Variants in EXOC3L2 observed in about 807,000 individuals in gnomAD.
EXOC3L2 encodes exocyst complex component 3 like 2, also known as exocyst complex component 3-like protein 2.
A neutral mutation model predicts 44.4 loss-of-function variants in EXOC3L2; 17 were observed. The observed-to-expected ratio is 0.38, with a 90% CI of 0.26 to 0.57. The LOEUF (loss-of-function observed/expected upper bound fraction) is 0.57. Ranked by LOEUF, EXOC3L2 falls within the 20% of genes least tolerant of loss-of-function variation. The pLI is 0.65. For synonymous variants in EXOC3L2, 256 were observed against 253.7 expected (o/e 1.01, Z -0.09); for missense variants, 541 against 588.4 (o/e 0.92, Z 0.83).
chr19:45,223,932 T>C lies in EXOC3L2; in HGVS notation c.1719+846A>G, dbSNP rs150312307. ...TCGCTTGAACCTGGGAGGCAGAGGTTGCAGTGAGCTGAGATTGTGCCATTC... is the reference window on the plus strand; with the variant it reads ...TCGCTTGAACCTGGGAGGCAGAGGTCGCAGTGAGCTGAGATTGTGCCATTC... On this transcript the variant is annotated intron_variant, in intron 8 of 11. Coordinates refer to ENST00000413988, the MANE Select transcript of EXOC3L2 (RefSeq NM_001382422.1). 3.5e-3 allele frequency among the ~76,000 whole-genome samples: 538 copies of C among 152,050 alleles called. 3 individuals carry two copies. The highest frequency in any genetic ancestry group is 0.012 in the African/African-American group (496 of 41,514).
chr19:45,215,481 GA>G (rs751130338), intron 11 of EXOC3L2, among the ~76,000 whole-genome samples: 2 of 151,664 alleles, frequency 1.3e-5, no homozygotes, highest in African/African-American at 4.8e-5. Flanking sequence ...AAAAAAAAAA[GA>G]AAAAAAGTTG....
intron 3 of EXOC3L2, among the ~76,000 whole-genome samples, chr19:45,232,516 C>T (rs1970042308): frequency 1.3e-5 from 2 of 152,110 alleles, no homozygotes; most frequent in South Asian, 2.1e-4. Flanking sequence ...CCCAGTCTTC[C>T]GGTGACAGCA....
At chr19:45,216,217 G>C (rs756896413) in intron 10 of EXOC3L2, 23 bp from the exon 11 acceptor site, 3 of 1,611,928 alleles carry the variant, frequency 1.9e-6, no homozygotes, top group African/African-American at 1.3e-5. Context: ...GAGGGTGCGG[G>C]GTCACACCCT....
chr19:45,243,546 C>T (rs574979516), intron 1 of EXOC3L2, among the ~76,000 whole-genome samples: 196 of 152,326 alleles, frequency 1.3e-3, no homozygotes, highest in Non-Finnish European at 1.6e-3. Flanking sequence ...GTCACCATGA[C>T]GACCCCTTGC....
chr19:45,228,003 G>A lies in EXOC3L2; in HGVS notation c.1443C>T (p.Cys481=). The A allele has an allele frequency of 6.2e-7, 1 of 1,613,958 alleles. No individual in the cohort carries two copies. The highest frequency in any genetic ancestry group is 8.5e-7 in the Non-Finnish European group (1 of 1,180,012). Residue 481 remains cysteine, a synonymous_variant, in exon 6 of 12, where the codon TGC becomes TGT. Transcript: ENST00000413988. ...GCAGGAACTCTGCCAGCCCGCCTAG[G>A]CAGCAGTGGGCCATCCGCTCCCCAA... ...QEFGERMAHC[C]LGGLAEFLQS...
chr19:45,230,514 G>A (rs1056539972), intron 4 of EXOC3L2, among the ~76,000 whole-genome samples: 12 of 152,054 alleles, frequency 7.9e-5, no homozygotes, highest in Middle Eastern at 3.4e-3. Flanking sequence ...CACTGTGCCC[G>A]GCCACAAAAG....
chr19:45,235,229 A>G lies in EXOC3L2; in HGVS notation c.524-403T>C, dbSNP rs1021983287. The stretch of plus-strand genomic sequence containing the variant: ...AGAATCGCTTGAACCCGGAAGGCAG[A>G]GGTTGCAGTGAGCCGAGATCGCGCC... On this transcript the variant is annotated intron_variant, in intron 2 of 11. Transcript: ENST00000413988. Among the ~76,000 whole-genome samples the G allele has an allele frequency of 5.9e-5, 9 of 152,272 alleles. No individual in the cohort carries two copies. The East Asian group carries it at 1.7e-3, about 29-fold the overall frequency.
chr19:45,239,280 C>G (rs1232008319), intron 1 of EXOC3L2, among the ~76,000 whole-genome samples: 1 of 147,792 alleles, frequency 6.8e-6, no homozygotes, highest in Non-Finnish European at 1.5e-5. Context: ...TGCAGTGGCA[C>G]GATCTCAGCT....
chr19:45,233,554 G>C (rs540631503), intron 3 of EXOC3L2, among the ~76,000 whole-genome samples: 2 of 152,128 alleles, frequency 1.3e-5, no homozygotes, highest in African/African-American at 4.8e-5. Flanking sequence ...TTCTAGTAGC[G>C]TAAGTGTCAT....
At chr19:45,218,158 T>TGGCCCC in intron 9 of EXOC3L2, 39 bp downstream of exon 9, 2 of 1,034,904 alleles carry the variant, frequency 1.9e-6, no homozygotes. Flanking sequence ...TCCCCTCTTT[T>TGGCCCC]CCCCCACCCC....
chr19:45,217,440 C>G lies in EXOC3L2; in HGVS notation c.1998+88G>C, dbSNP rs561578258. The G allele has an allele frequency of 7.8e-6, 11 of 1,402,360 alleles. No individual in the cohort carries two copies. In the African/African-American group the frequency reaches 1.7e-4, roughly 21 times the overall value. 86.9% of individuals were successfully genotyped at this position (1,402,360 alleles called of 1,614,324 possible). A position where few individuals can be genotyped will look rare whatever the true frequency, so the allele number is the denominator to read the frequency against. ...AGTTTCTGTCCTGAGCTCTGCCCCT[C>G]TCCCCCTGGCTTTTGGGACCTGAGA... On this transcript the variant is annotated intron_variant, in intron 10 of 11. Transcript: ENST00000413988.
At chr19:45,237,445 G>A (rs1970093496) in intron 2 of EXOC3L2, among the ~76,000 whole-genome samples, 1 of 152,162 alleles carries the variant, frequency 6.6e-6, no homozygotes, top group Non-Finnish European at 1.5e-5. Context: ...GGGCTGCAGA[G>A]AGCCATGATT....
In EXOC3L2 at chr19:45,231,685, G is replaced by A. The variant is rs562475810; in HGVS notation, c.1269+78C>T. 1.9e-5 allele frequency: 23 copies of A among 1,239,518 alleles called. No homozygotes were observed. The Middle Eastern group carries it at 5.8e-4, about 31-fold the overall frequency. 76.8% of individuals were successfully genotyped at this position (1,239,518 alleles called of 1,614,324 possible). A position where few individuals can be genotyped will look rare whatever the true frequency, so the allele number is the denominator to read the frequency against. ...GAGTTGGAAAGAGTGAAAGGTGGAG[G>A]GGACAGGCTTCCCAAGCCCACTGTG... On this transcript the variant is annotated intron_variant, in intron 4 of 11. Coordinates refer to ENST00000413988, the MANE Select transcript of EXOC3L2 (RefSeq NM_001382422.1).
At chr19:45,223,333 C>T (rs1432066252) in intron 8 of EXOC3L2, among the ~76,000 whole-genome samples, 1 of 151,486 alleles carries the variant, frequency 6.6e-6, no homozygotes. Context: ...GGGGTTTGGT[C>T]TAGGGGCTTC....
At position 45,217,560 on chromosome 19, in the gene EXOC3L2, C is replaced by T; in HGVS notation, c.1966G>A (p.Ala656Thr). 1 of 1,566,720 alleles carries T rather than the reference C, an allele frequency of 6.4e-7. No homozygotes were observed. Among genetic ancestry groups the T allele is most frequent in the Non-Finnish European group, 8.6e-7 (1 of 1,163,444 alleles). ...SRVAGRLRED[A>T]AQLQRLFRRL... ...CGGAACAGCCTCTGCAGTTGCGCCG[C>T]GTCCTCCCGGAGCCTGCCGGCCACG... The change falls in exon 10 of 12, where the codon GCG (alanine) becomes ACG (threonine). Residue 656 changes from alanine to threonine, a missense_variant. Transcript: ENST00000413988.
intron 2 of EXOC3L2, among the ~76,000 whole-genome samples, chr19:45,235,249 C>T (rs1358568878): frequency 1.3e-5 from 2 of 152,080 alleles, no homozygotes; most frequent in Non-Finnish European, 2.9e-5. Context: ...GAGCCGAGAT[C>T]GCGCCACTGC....
At chr19:45,237,476 C>G (rs1292284835) in intron 2 of EXOC3L2, among the ~76,000 whole-genome samples, 2 of 151,782 alleles carry the variant, frequency 1.3e-5, no homozygotes, top group African/African-American at 4.8e-5. Context: ...ACTCTAGCCT[C>G]TAGCCTGAGT....
At chr19:45,233,082 G>T (rs777799422) in intron 3 of EXOC3L2, among the ~76,000 whole-genome samples, 1 of 152,160 alleles carries the variant, frequency 6.6e-6, no homozygotes, top group Non-Finnish European at 1.5e-5. Context: ...TGTGCATGAT[G>T]GTGGGCGCCT....
chr19:45,228,114 A>T, intron 5 of EXOC3L2, 40 bp from the exon 6 acceptor site: 1 of 1,613,790 alleles, frequency 6.2e-7, no homozygotes, highest in Non-Finnish European at 8.5e-7. Context: ...GAGGAGGGGC[A>T]AGGTCCCACT....
Sources: gnomAD v4.1 joint callset for allele counts (sites outside exome capture counted in the v4.1 genomes callset) on GRCh38, gnomAD v4.1.1 for gene constraint, MANE v1.5 for transcripts, NCBI Gene and HGNC (gene_info 2026-07-23, HGNC 2026-07-21) for gene names.